Variants in PALLD observed in about 807,000 individuals in gnomAD.
PALLD encodes the protein palladin.
A neutral mutation model predicts 123.5 loss-of-function variants in PALLD; 61 were observed. The ratio of observed to expected loss-of-function variants is 0.49; its 90% CI spans 0.40 to 0.61. The LOEUF (loss-of-function observed/expected upper bound fraction) is 0.61. Ranked by LOEUF, PALLD falls within the 20% of genes least tolerant of loss-of-function variation. The pLI, the probability that PALLD is intolerant of heterozygous loss-of-function variation, is 0.00. For synonymous variants in PALLD, 465 were observed against 496.4 expected (o/e 0.94, Z 0.84); for missense variants, 1,273 against 1,377.0 (o/e 0.92, Z 1.20).
intron 10 of PALLD, among the ~76,000 whole-genome samples, chr4:168,870,076 G>A (rs1418585205): frequency 6.6e-6 from 1 of 152,172 alleles, no homozygotes; most frequent in Non-Finnish European, 1.5e-5. Flanking sequence ...TGGGACTGCT[G>A]AGCATAGCAC....
chr4:168,633,164 T>C (rs1296598217), intron 2 of PALLD, among the ~76,000 whole-genome samples: 1 of 152,006 alleles, frequency 6.6e-6, no homozygotes, highest in Admixed American at 6.5e-5. Context: ...GAATGCTTGT[T>C]TATTTCTGTT....
In PALLD at chr4:168,601,774, A is replaced by C. The variant is rs571155452; in HGVS notation, c.909-66416A>C. ...AAATGGGAATTCATTCCTTGCTGGA[A>C]AAGAATATTTCAGGGGCTCCAGGGG... On this transcript the variant is annotated intron_variant, in intron 2 of 21. Transcript: ENST00000505667. 3.9e-5 allele frequency among the ~76,000 whole-genome samples: 6 copies of C among 152,320 alleles called. No individual in the cohort carries two copies. In the South Asian group the frequency reaches 1.2e-3, roughly 32 times the overall value.
chr4:168,614,463 T>C (rs1167473069), intron 2 of PALLD, among the ~76,000 whole-genome samples: 1 of 152,174 alleles, frequency 6.6e-6, no homozygotes, highest in Non-Finnish European at 1.5e-5. Context: ...CTTATGTGTA[T>C]CATACATGTT....
intron 10 of PALLD, among the ~76,000 whole-genome samples, chr4:168,834,311 G>A (rs1027869699): frequency 6.6e-6 from 1 of 152,100 alleles, no homozygotes; most frequent in Non-Finnish European, 1.5e-5. Context: ...ATAACGACAG[G>A]CCCAGTCTGT....
intron 2 of PALLD, chr4:168,631,870 G>T: frequency 1.0e-6 from 1 of 985,542 alleles, no homozygotes; most frequent in South Asian, 4.7e-5. Context: ...TTGTTTGGGA[G>T]TGGGGGCAGA....
At chr4:168,780,290 G>A (rs1735735544) in intron 10 of PALLD, among the ~76,000 whole-genome samples, 1 of 152,224 alleles carries the variant, frequency 6.6e-6, no homozygotes, top group Non-Finnish European at 1.5e-5. Flanking sequence ...GGCATGCACA[G>A]AGCAGATCTA....
intron 2 of PALLD, among the ~76,000 whole-genome samples, chr4:168,576,543 A>C (rs545329399): frequency 1.1e-4 from 17 of 152,206 alleles, no homozygotes; most frequent in African/African-American, 4.1e-4. Context: ...AGCTTCATCC[A>C]TGTCCCTACA....
intron 10 of PALLD, among the ~76,000 whole-genome samples, chr4:168,816,306 T>A (rs1256502758): frequency 1.3e-5 from 2 of 151,914 alleles, no homozygotes; most frequent in Admixed American, 6.6e-5. Context: ...TTATTGAAAA[T>A]GTGTGTTCTT....
chr4:168,892,428 C>A (rs901321282), intron 11 of PALLD, among the ~76,000 whole-genome samples: 5 of 152,096 alleles, frequency 3.3e-5, no homozygotes, highest in African/African-American at 1.2e-4. Flanking sequence ...TGAGAACAGA[C>A]CACACTTGAA....
At chr4:168,811,766 T>TCA (rs1395576537) in intron 10 of PALLD, among the ~76,000 whole-genome samples, 13 of 94,458 alleles carry the variant, frequency 1.4e-4, no homozygotes, top group African/African-American at 5.4e-4. Context: ...TTTCTCTCTC[T>TCA]CTCTCTCTCT....
At chr4:168,537,218 G>A (rs1765188086) in intron 2 of PALLD, among the ~76,000 whole-genome samples, 1 of 152,158 alleles carries the variant, frequency 6.6e-6, no homozygotes, top group Non-Finnish European at 1.5e-5. Flanking sequence ...AAGTTGCTTA[G>A]GGTGAGAACA....
chr4:168,670,789 CAAAAAAAA>C (rs1780181745), intron 3 of PALLD, among the ~76,000 whole-genome samples: 7 of 100,860 alleles, frequency 6.9e-5, no homozygotes, highest in African/African-American at 3.0e-4. Flanking sequence ...AAAAAAAAAA[CAAAAAAAA>C]CAAAAAAGCT....
At chr4:168,739,073 T>C (rs1483342449) in intron 10 of PALLD, among the ~76,000 whole-genome samples, 1 of 152,204 alleles carries the variant, frequency 6.6e-6, no homozygotes, top group East Asian at 1.9e-4. Flanking sequence ...TGATCTCCCA[T>C]TCCATTCATG....
At chr4:168,818,335 C>A (rs545983084) in intron 10 of PALLD, among the ~76,000 whole-genome samples, 10 of 152,056 alleles carry the variant, frequency 6.6e-5, no homozygotes, top group African/African-American at 2.4e-4. Context: ...TGCTGGCTCA[C>A]GCCTGTAATC....
chr4:168,670,687 T>C (rs1380811307), intron 3 of PALLD, among the ~76,000 whole-genome samples: 1 of 141,190 alleles, frequency 7.1e-6, no homozygotes, highest in Non-Finnish European at 1.5e-5. Flanking sequence ...GAGCCGAGAT[T>C]GCGCCACTGC....
chr4:168,628,740 C>T (rs1442446643), intron 2 of PALLD, among the ~76,000 whole-genome samples: 1 of 152,152 alleles, frequency 6.6e-6, no homozygotes, highest in East Asian at 1.9e-4. Flanking sequence ...TTATTATGTC[C>T]TAACTCAACA....
intron 10 of PALLD, among the ~76,000 whole-genome samples, chr4:168,788,740 A>G (rs1408464720): frequency 1.3e-5 from 2 of 152,094 alleles, no homozygotes; most frequent in Non-Finnish European, 2.9e-5. Flanking sequence ...TACATGGGGA[A>G]TCTCTGTACC....
At chr4:168,613,049 A>T (rs923403111) in intron 2 of PALLD, among the ~76,000 whole-genome samples, 1 of 152,172 alleles carries the variant, frequency 6.6e-6, no homozygotes, top group Admixed American at 6.5e-5. Context: ...TTCAGTAACT[A>T]GTGGAGAAAA....
chr4:168,897,080 C>T (rs549600239), intron 13 of PALLD, among the ~76,000 whole-genome samples: 5 of 152,334 alleles, frequency 3.3e-5, no homozygotes, highest in African/African-American at 9.6e-5. Flanking sequence ...ATCCACCCGC[C>T]TTGGCTTCCC....
Sources: allele counts gnomAD v4.1 joint callset (sites outside exome capture counted in the v4.1 genomes callset), GRCh38; gene constraint gnomAD v4.1.1; transcripts MANE v1.5; gene names NCBI Gene and HGNC (gene_info 2026-07-23, HGNC 2026-07-21).